CDK5RAP2: variants seen among roughly 807,000 people sequenced by gnomAD.
CDK5RAP2 encodes CDK5 regulatory subunit associated protein 2.
In CDK5RAP2, 147 loss-of-function variants were observed where a neutral mutation model predicts 232.9. The observed-to-expected ratio is 0.63, with a 90% CI of 0.55 to 0.72. The LOEUF (loss-of-function observed/expected upper bound fraction) is 0.72. Ranked by LOEUF, CDK5RAP2 falls within the 30% of genes least tolerant of loss-of-function variation. CDK5RAP2 has a pLI of 0.00. For synonymous variants in CDK5RAP2, 833 were observed against 833.7 expected, an observed-to-expected ratio of 1.00 and a Z score of 0.01; for missense variants, 2,195 against 2,231.5, an observed-to-expected ratio of 0.98 and a Z score of 0.33.
chr9:120,514,252 G>A (rs1355917041), intron 12 of CDK5RAP2, among the ~76,000 whole-genome samples: 2 of 152,178 alleles, frequency 1.3e-5, no homozygotes, highest in African/African-American at 4.8e-5. Flanking sequence ...AGCACTTAGA[G>A]TATACAGCTG....
chr9:120,454,833 C>A (rs1461783396), intron 20 of CDK5RAP2, among the ~76,000 whole-genome samples: 1 of 152,168 alleles, frequency 6.6e-6, no homozygotes, highest in African/African-American at 2.4e-5. Flanking sequence ...TCAGAGGGTC[C>A]CCAGCAGTAA....
intron 19 of CDK5RAP2, 34 bp from the exon 20 acceptor site, chr9:120,458,656 T>G (rs535577680): frequency 5.0e-6 from 8 of 1,602,590 alleles, no homozygotes; most frequent in Non-Finnish European, 2.6e-6. Flanking sequence ...AATAATGGAA[T>G]AAGGAGGAAG....
chr9:120,496,651 C>T (rs2039270608), intron 12 of CDK5RAP2, among the ~76,000 whole-genome samples: 1 of 145,190 alleles, frequency 6.9e-6, no homozygotes, highest in African/African-American at 2.6e-5. Context: ...TGAGGAGCCC[C>T]TCTGCCCGGC....
At chr9:120,488,742 G>A (rs950727737) in intron 13 of CDK5RAP2, among the ~76,000 whole-genome samples, 20 of 152,274 alleles carry the variant, frequency 1.3e-4, no homozygotes, top group Admixed American at 1.1e-3. Flanking sequence ...TTATAGCCAC[G>A]CAGATACTGC....
intron 5 of CDK5RAP2, among the ~76,000 whole-genome samples, chr9:120,544,987 G>C (rs2041781615): frequency 6.6e-6 from 1 of 152,096 alleles, no homozygotes; most frequent in African/African-American, 2.4e-5. Flanking sequence ...AAAATCAATT[G>C]ATTCACTGAC....
intron 5 of CDK5RAP2, among the ~76,000 whole-genome samples, chr9:120,544,516 A>G (rs1342809041): frequency 6.6e-6 from 1 of 152,248 alleles, no homozygotes; most frequent in Non-Finnish European, 1.5e-5. Flanking sequence ...GTCTGCTGAA[A>G]GCCAACAGCA....
At chr9:120,463,556 T>C (rs1054703325) in intron 18 of CDK5RAP2, among the ~76,000 whole-genome samples, 4 of 152,150 alleles carry the variant, frequency 2.6e-5, no homozygotes, top group African/African-American at 9.7e-5. Flanking sequence ...GAAATCCACA[T>C]GGGGTTAGGA....
intron 35 of CDK5RAP2, among the ~76,000 whole-genome samples, chr9:120,400,155 C>T (rs2032872127): frequency 6.6e-6 from 1 of 152,152 alleles, no homozygotes; most frequent in Admixed American, 6.5e-5. Flanking sequence ...GGGCGTTCAC[C>T]TTGTCATGAC....
chr9:120,491,352 G>A lies in CDK5RAP2; in HGVS notation c.1437C>T (p.Ile479=), dbSNP rs1245064719. ...GATTGGTACTTTCTGTTAGATGTTTGATCACTTGCTCTTGATTGTGCAATT... is the reference window on the plus strand; with the variant it reads ...GATTGGTACTTTCTGTTAGATGTTTAATCACTTGCTCTTGATTGTGCAATT... The part of the protein sequence containing the change: ...NKKLHNQEQV[I]KHLTESTNQK... The change falls in exon 13 of 38, where the codon ATC becomes ATT. Residue 479 remains isoleucine (I), a synonymous_variant. Transcript: ENST00000349780. 6.2e-7 allele frequency: 1 copy of A among 1,613,492 alleles called. No homozygotes were observed. Among genetic ancestry groups the A allele is most frequent in the Admixed American group, 1.7e-5 (1 of 60,022 alleles).
intron 7 of CDK5RAP2, among the ~76,000 whole-genome samples, chr9:120,531,627 T>TTA (rs1186832252): frequency 6.6e-6 from 1 of 152,112 alleles, no homozygotes; most frequent in African/African-American, 2.4e-5. Context: ...TTTTTTTTTT[T>TTA]AACATGTAAC....
At chr9:120,496,746 G>GC (rs1448569732) in intron 12 of CDK5RAP2, among the ~76,000 whole-genome samples, 2 of 119,342 alleles carry the variant, frequency 1.7e-5, no homozygotes, top group African/African-American at 3.7e-5. Context: ...TGGGGGGTCA[G>GC]CCCCCCGCCC....
intron 27 of CDK5RAP2, among the ~76,000 whole-genome samples, chr9:120,416,799 T>A (rs1299405535): frequency 6.6e-6 from 1 of 152,208 alleles, no homozygotes. Flanking sequence ...CTTAGTAATG[T>A]TTGTTTTAAA....
chr9:120,436,265 T>C lies in CDK5RAP2; in HGVS notation c.3955+1030A>G, dbSNP rs556632860. 3.9e-4 allele frequency among the ~76,000 whole-genome samples: 59 copies of C among 152,278 alleles called. 1 individual carries two copies. In the South Asian group the frequency reaches 9.9e-3, roughly 26 times the overall value. On this transcript the variant is annotated intron_variant, in intron 25 of 37. Transcript: ENST00000349780. Reference sequence around the variant, plus strand: ...ATTTAATCTAATCATGAATTGAGTCTTGCGGAAAGAACAGATAATCCCAAA... The same window carrying C: ...ATTTAATCTAATCATGAATTGAGTCCTGCGGAAAGAACAGATAATCCCAAA...
chr9:120,492,283 T>C (rs76265117), intron 12 of CDK5RAP2, among the ~76,000 whole-genome samples: 2,329 of 152,314 alleles, frequency 0.015, 58 homozygotes, highest in African/African-American at 0.053. Context: ...TGAGGACTCT[T>C]TCTCTCTATA....
At chr9:120,520,365 G>A (rs1462590639) in intron 11 of CDK5RAP2, among the ~76,000 whole-genome samples, 4 of 152,180 alleles carry the variant, frequency 2.6e-5, no homozygotes, top group Non-Finnish European at 2.9e-5. Flanking sequence ...ACTCAGGCTG[G>A]GCGTGATGGC....
intron 3 of CDK5RAP2, among the ~76,000 whole-genome samples, chr9:120,564,853 T>C (rs145287833): frequency 2.7e-4 from 41 of 152,300 alleles, no homozygotes; most frequent in Non-Finnish European, 5.0e-4. Context: ...GAGAGAGAGA[T>C]AGCAGTGTCC....
chr9:120,546,919 T>G (rs531494986), intron 4 of CDK5RAP2, among the ~76,000 whole-genome samples: 1 of 152,248 alleles, frequency 6.6e-6, no homozygotes, highest in East Asian at 1.9e-4. Context: ...TTACAGCTCC[T>G]CTTTTATTTT....
intron 12 of CDK5RAP2, among the ~76,000 whole-genome samples, chr9:120,496,549 G>A (rs1218756736): frequency 1.1e-3 from 155 of 137,160 alleles, no homozygotes; most frequent in Middle Eastern, 7.6e-3. Flanking sequence ...CGCCCCGTCC[G>A]GGAGGGAGGT....
At chr9:120,536,024 T>C (rs2041370379) in intron 7 of CDK5RAP2, among the ~76,000 whole-genome samples, 1 of 152,224 alleles carries the variant, frequency 6.6e-6, no homozygotes, top group African/African-American at 2.4e-5. Flanking sequence ...TAGCTTGTTT[T>C]ACCTCATTTG....
Sources: allele counts gnomAD v4.1 joint callset (sites outside exome capture counted in the v4.1 genomes callset), GRCh38; gene constraint gnomAD v4.1.1; transcripts MANE v1.5; gene names NCBI Gene and HGNC (gene_info 2026-07-23, HGNC 2026-07-21).